AGBL4: variants seen among roughly 807,000 people sequenced by gnomAD.
The protein encoded by AGBL4 is AGBL carboxypeptidase 4, also known as cytosolic carboxypeptidase 6.
In AGBL4, 58 loss-of-function variants were observed where a neutral mutation model predicts 66.4. That is an observed-to-expected ratio of 0.87 (90% CI 0.71 to 1.09). AGBL4 has a LOEUF of 1.09. Among genes scored for constraint, AGBL4 ranks in the 50% least tolerant of loss-of-function variants. The probability of loss-of-function intolerance (pLI) is 0.00; values close to 1 mark genes in which losing one functional copy is unlikely to be tolerated. For synonymous variants in AGBL4, 234 were observed against 222.9 expected, an observed-to-expected ratio of 1.05 and a Z score of -0.44; for missense variants, 579 against 631.0, an observed-to-expected ratio of 0.92 and a Z score of 0.88.
rs556842491 is a variant in AGBL4, at chr1:49,514,790, G to C, written c.282+182523C>G. 3.3e-5 allele frequency among the ~76,000 whole-genome samples: 5 copies of C among 152,190 alleles called. No individual in the cohort carries two copies. In the South Asian group the frequency reaches 1.0e-3, roughly 32 times the overall value. On this transcript the variant is annotated intron_variant, in intron 3 of 13. Coordinates refer to ENST00000371839, the MANE Select transcript of AGBL4 (RefSeq NM_032785.4). Reference sequence around the variant, plus strand: ...TGACAAAAACAAGCAATAGGGAAACGATTCCCAATTTAATAAATGGTGCTG... The same window carrying C: ...TGACAAAAACAAGCAATAGGGAAACCATTCCCAATTTAATAAATGGTGCTG...
chr1:48,625,097 C>T (rs959525092), intron 9 of AGBL4, among the ~76,000 whole-genome samples: 3 of 16,146 alleles, frequency 1.9e-4, no homozygotes, highest in African/African-American at 3.3e-4. Flanking sequence ...TTTCTCCTTC[C>T]TTCCTTCCTT....
At chr1:49,923,248 A>G (rs531632074) in intron 1 of AGBL4, among the ~76,000 whole-genome samples, 1 of 152,364 alleles carries the variant, frequency 6.6e-6, no homozygotes, top group African/African-American at 2.4e-5. Flanking sequence ...TGGTGCCGGG[A>G]TAACTGGTTA....
chr1:49,642,811 A>C (rs1386743536), intron 3 of AGBL4, among the ~76,000 whole-genome samples: 1 of 152,026 alleles, frequency 6.6e-6, no homozygotes, highest in Non-Finnish European at 1.5e-5. Context: ...GAAAGATCTG[A>C]AAGGATTAAC....
intron 3 of AGBL4, among the ~76,000 whole-genome samples, chr1:49,592,204 C>A (rs1016660640): frequency 7.9e-5 from 12 of 151,984 alleles, no homozygotes; most frequent in African/African-American, 2.9e-4. Context: ...AAAAATCTAA[C>A]ATCCAGAATC....
At chr1:48,803,846 T>A (rs79726152) in intron 6 of AGBL4, among the ~76,000 whole-genome samples, 11,888 of 152,216 alleles carry the variant, frequency 0.078, 628 homozygotes, top group Non-Finnish European at 0.11. Flanking sequence ...TCTTCTCCAA[T>A]CTCTGCTACA....
intron 2 of AGBL4, among the ~76,000 whole-genome samples, chr1:49,817,805 G>GTAGTAAC (rs1376690097): frequency 1.3e-5 from 2 of 152,146 alleles, no homozygotes; most frequent in African/African-American, 4.8e-5. Flanking sequence ...TGGCATTAGA[G>GTAGTAAC]TAGTAACATC....
chr1:48,843,590 G>T (rs895297754), intron 6 of AGBL4, among the ~76,000 whole-genome samples: 6 of 151,966 alleles, frequency 3.9e-5, no homozygotes, highest in African/African-American at 1.5e-4. Flanking sequence ...AAATTTCAGT[G>T]TTTATAATGA....
chr1:48,565,847 T>A (rs1272840699), intron 11 of AGBL4, among the ~76,000 whole-genome samples: 2 of 152,214 alleles, frequency 1.3e-5, no homozygotes, highest in Non-Finnish European at 2.9e-5. Flanking sequence ...CTGACTGCCC[T>A]CCCTTAATCC....
intron 4 of AGBL4, among the ~76,000 whole-genome samples, chr1:49,152,188 G>T (rs1360997725): frequency 6.6e-6 from 1 of 152,080 alleles, no homozygotes; most frequent in Non-Finnish European, 1.5e-5. Context: ...TGTCTGTCTG[G>T]GTTACTTCAC....
At chr1:48,978,609 C>T (rs1659519997) in intron 5 of AGBL4, among the ~76,000 whole-genome samples, 1 of 152,158 alleles carries the variant, frequency 6.6e-6, no homozygotes, top group Admixed American at 6.6e-5. Context: ...TTCCCTAATG[C>T]TTCCGGTGAT....
chr1:49,494,008 A>C (rs1446734068), intron 3 of AGBL4, among the ~76,000 whole-genome samples: 3 of 151,968 alleles, frequency 2.0e-5, no homozygotes, highest in Non-Finnish European at 4.4e-5. Context: ...AAGACTTTCG[A>C]AAACAGGGTC....
chr1:48,939,600 T>C (rs1313088172), intron 5 of AGBL4, among the ~76,000 whole-genome samples: 3 of 152,168 alleles, frequency 2.0e-5, no homozygotes, highest in Non-Finnish European at 4.4e-5. Context: ...AGGCTGGACA[T>C]TGCCCTTCAG....
At chr1:49,842,176 C>T (rs1296599175) in intron 2 of AGBL4, 5 of 417,854 alleles carry the variant, frequency 1.2e-5, no homozygotes, top group Non-Finnish European at 2.3e-5. Flanking sequence ...AGCATGTGAC[C>T]TTTGAGGACA....
At chr1:49,541,709 C>T (rs934511784) in intron 3 of AGBL4, among the ~76,000 whole-genome samples, 24 of 152,196 alleles carry the variant, frequency 1.6e-4, no homozygotes, top group Non-Finnish European at 2.4e-4. Context: ...AGGAGTGCAA[C>T]GGCGAGGGAA....
At chr1:48,694,798 C>A (rs1219276600) in intron 6 of AGBL4, among the ~76,000 whole-genome samples, 3 of 152,148 alleles carry the variant, frequency 2.0e-5, no homozygotes, top group Non-Finnish European at 4.4e-5. Context: ...CTCTCCTCTT[C>A]TGACTCAGCT....
chr1:49,217,580 G>A (rs1020158479), intron 4 of AGBL4, among the ~76,000 whole-genome samples: 1 of 152,026 alleles, frequency 6.6e-6, no homozygotes, highest in Non-Finnish European at 1.5e-5. Flanking sequence ...TTGTTTACAT[G>A]TATCTTAATC....
intron 1 of AGBL4, among the ~76,000 whole-genome samples, chr1:50,021,143 T>C (rs1557665777): frequency 6.6e-6 from 1 of 152,232 alleles, no homozygotes; most frequent in Non-Finnish European, 1.5e-5. Flanking sequence ...TCATTTTATA[T>C]TGTTTGGCAG....
rs148121137 is a variant in AGBL4 at position 49,312,226 on chromosome 1, G to C, written c.283-66362C>G. Among the ~76,000 whole-genome samples the C allele has an allele frequency of 2.8e-3, 431 of 152,082 alleles. 11 individuals are homozygous for C. In the South Asian group the frequency reaches 0.06, roughly 21 times the overall value. On this transcript the variant is annotated intron_variant, in intron 3 of 13. Transcript: ENST00000371839. ...TGAATAGGATTAGTGCCTTATAAAA[G>C]GGATTGAGGGAGTGCATTTACTCCT...
At chr1:49,248,213 AT>A (rs1201197229) in intron 3 of AGBL4, among the ~76,000 whole-genome samples, 11 of 152,350 alleles carry the variant, frequency 7.2e-5, no homozygotes, top group Admixed American at 1.3e-4. Flanking sequence ...CACGAAAATA[AT>A]AATAATTTCT....
Sources: gnomAD v4.1 joint callset for allele counts (sites outside exome capture counted in the v4.1 genomes callset) on GRCh38, gnomAD v4.1.1 for gene constraint, MANE v1.5 for transcripts, NCBI Gene and HGNC (gene_info 2026-07-23, HGNC 2026-07-21) for gene names.